Variants in PRMT3 observed in about 807,000 individuals in gnomAD.
PRMT3 encodes the protein protein arginine methyltransferase 3.
In PRMT3, 62 loss-of-function variants were observed where a neutral mutation model predicts 71.9. That is an observed-to-expected ratio of 0.86 (90% CI 0.70 to 1.07). The LOEUF is 1.07. PRMT3 is among the 50% of genes least tolerant of loss of function. The pLI is 0.00. For synonymous variants in PRMT3, 213 were observed against 220.4 expected (o/e 0.97, Z 0.30); for missense variants, 663 against 643.0 (o/e 1.03, Z -0.34).
intron 9 of PRMT3, among the ~76,000 whole-genome samples, chr11:20,416,257 TG>T (rs1214872904): frequency 1.3e-5 from 2 of 151,880 alleles, no homozygotes; most frequent in Admixed American, 6.6e-5. Context: ...GAAGAAGGGG[TG>T]GGGGGAAGAT....
intron 9 of PRMT3, among the ~76,000 whole-genome samples, chr11:20,424,077 G>A (rs921681779): frequency 3.3e-5 from 5 of 151,140 alleles, no homozygotes; most frequent in East Asian, 2.0e-4. Context: ...CCAGCTACTC[G>A]GGAGGCTGAG....
rs955389214 is a variant in PRMT3 at position 20,415,485 on chromosome 11, T to C, written c.893+7453T>C. 5.3e-5 allele frequency among the ~76,000 whole-genome samples: 8 copies of C among 149,928 alleles called. No homozygotes were observed. The Admixed American group carries it at 5.4e-4, about 10-fold the overall frequency. On this transcript the variant is annotated intron_variant, in intron 9 of 15. Coordinates refer to ENST00000331079, the MANE Select transcript of PRMT3 (RefSeq NM_005788.4). ...TAGTGCAGAAACAGCAGGAAAAAGA[T>C]GACCATAGGCAAAGAGGTCACAGGC...
intron 13 of PRMT3, among the ~76,000 whole-genome samples, chr11:20,493,669 A>G (rs1851263355): frequency 6.6e-6 from 1 of 152,182 alleles, no homozygotes; most frequent in African/African-American, 2.4e-5. Flanking sequence ...TAGCATGATT[A>G]TTTCTCTAAT....
At chr11:20,408,846 C>A (rs543827794) in intron 9 of PRMT3, among the ~76,000 whole-genome samples, 2 of 152,148 alleles carry the variant, frequency 1.3e-5, no homozygotes, top group Admixed American at 6.6e-5. Context: ...GTAATCCCAG[C>A]ACTTTGGGAG....
At chr11:20,409,654 A>AACACACACACACACACACACACACAC (rs60686099) in intron 9 of PRMT3, among the ~76,000 whole-genome samples, 2 of 144,238 alleles carry the variant, frequency 1.4e-5, no homozygotes, top group African/African-American at 5.2e-5. Context: ...GGAATACACA[A>AACACACACACACACACACACACACAC]ACACACACAC....
chr11:20,473,675 GTTGC>G (rs1850707329), intron 13 of PRMT3, among the ~76,000 whole-genome samples: 2 of 152,004 alleles, frequency 1.3e-5, no homozygotes, highest in African/African-American at 4.8e-5. Context: ...TTTACATTGG[GTTGC>G]AACGTGCTCC....
At chr11:20,506,260 A>G (rs1288737701) in intron 15 of PRMT3, among the ~76,000 whole-genome samples, 4 of 152,246 alleles carry the variant, frequency 2.6e-5, no homozygotes, top group Admixed American at 2.6e-4. Context: ...TTGTAGAACT[A>G]TCTGACTGGT....
At chr11:20,390,756 G>A (rs770349449) in intron 3 of PRMT3, among the ~76,000 whole-genome samples, 2 of 152,204 alleles carry the variant, frequency 1.3e-5, no homozygotes, top group Non-Finnish European at 2.9e-5. Flanking sequence ...AAGGCAGGTG[G>A]ATCACAAGGT....
intron 10 of PRMT3, among the ~76,000 whole-genome samples, chr11:20,438,415 A>G (rs1374349232): frequency 6.6e-6 from 1 of 151,916 alleles, no homozygotes; most frequent in Non-Finnish European, 1.5e-5. Context: ...TTTGGGCCCT[A>G]AGGGTGGCAG....
At chr11:20,418,597 C>A (rs1486302555) in intron 9 of PRMT3, among the ~76,000 whole-genome samples, 1 of 152,054 alleles carries the variant, frequency 6.6e-6, no homozygotes, top group African/African-American at 2.4e-5. Context: ...TTCGGCATAA[C>A]CATTCTGAAG....
chr11:20,475,846 T>TTTTGTATTTAGTAGA (rs1850769635), intron 13 of PRMT3, among the ~76,000 whole-genome samples: 1 of 151,392 alleles, frequency 6.6e-6, no homozygotes, highest in Non-Finnish European at 1.5e-5. Context: ...TAGAGATGTA[T>TTTTGTATTTAGTAGA]TTTGTATTTA....
intron 10 of PRMT3, among the ~76,000 whole-genome samples, chr11:20,438,169 C>T (rs1195796251): frequency 1.3e-5 from 2 of 152,112 alleles, no homozygotes; most frequent in Non-Finnish European, 2.9e-5. Flanking sequence ...AATGGAGGCA[C>T]CCTCCAGCAG....
At chr11:20,429,190 G>A (rs975691780) in intron 10 of PRMT3, among the ~76,000 whole-genome samples, 15 of 152,128 alleles carry the variant, frequency 9.9e-5, no homozygotes, top group African/African-American at 3.6e-4. Flanking sequence ...TTGGGGGATG[G>A]GGATGGGATG....
chr11:20,457,547 A>G (rs1026891070), intron 11 of PRMT3, among the ~76,000 whole-genome samples: 17 of 152,250 alleles, frequency 1.1e-4, no homozygotes, highest in Non-Finnish European at 1.9e-4. Flanking sequence ...AAAATTATTC[A>G]AAAGTCTAAA....
chr11:20,470,794 C>T (rs141739934), intron 13 of PRMT3, among the ~76,000 whole-genome samples: 9 of 152,196 alleles, frequency 5.9e-5, no homozygotes, highest in African/African-American at 1.9e-4. Flanking sequence ...GTAGTTCTGC[C>T]TCTAGGTCTT....
At chr11:20,439,856 T>A (rs745805170) in intron 10 of PRMT3, among the ~76,000 whole-genome samples, 7 of 152,300 alleles carry the variant, frequency 4.6e-5, no homozygotes, top group Non-Finnish European at 8.8e-5. Context: ...GTGGGAGGAC[T>A]TTGTGTACTA....
rs779120900 is a variant in PRMT3 at position 20,392,911 on chromosome 11, G to A, written c.312G>A (p.Glu104=). Residue 104 remains glutamate (E), a synonymous_variant, in exon 5 of 16, where the codon GAG becomes GAA. Coordinates refer to ENST00000331079, the MANE Select transcript of PRMT3 (RefSeq NM_005788.4). ...TTTATATCCAGAATCCTACAGTTGA[G>A]TACATGAATTCCATATACAACCCAG... The part of the protein sequence containing the change: ...NFIRLKNPTV[E]YMNSIYNPVP... 2 of 1,590,736 alleles carry A rather than the reference G, an allele frequency of 1.3e-6. No individual in the cohort carries two copies. Among genetic ancestry groups the A allele is most frequent in the Admixed American group, 1.7e-5 (1 of 59,874 alleles).
At chr11:20,433,899 C>T (rs1849708516) in intron 10 of PRMT3, among the ~76,000 whole-genome samples, 1 of 152,170 alleles carries the variant, frequency 6.6e-6, no homozygotes, top group Non-Finnish European at 1.5e-5. Context: ...GGATTATAGG[C>T]GTGCACCACC....
At chr11:20,501,665 CAAGAT>C (rs1317526181) in intron 15 of PRMT3, among the ~76,000 whole-genome samples, 2 of 152,020 alleles carry the variant, frequency 1.3e-5, no homozygotes, top group East Asian at 3.9e-4. Flanking sequence ...GGTAATATGA[CAAGAT>C]AAGTAAAATA....
Sources: allele counts gnomAD v4.1 joint callset (sites outside exome capture counted in the v4.1 genomes callset), GRCh38; gene constraint gnomAD v4.1.1; transcripts MANE v1.5; gene names NCBI Gene and HGNC (gene_info 2026-07-23, HGNC 2026-07-21).